WWP2: variants seen among roughly 807,000 people sequenced by gnomAD.
The protein encoded by WWP2 is WW domain containing E3 ubiquitin protein ligase 2.
WWP2 carries 57 observed loss-of-function variants against 121.0 expected under a neutral mutation model. That is an observed-to-expected ratio of 0.47 (90% CI 0.38 to 0.59). The LOEUF is 0.59. Ranked by LOEUF, WWP2 falls within the 20% of genes least tolerant of loss-of-function variation. The probability of loss-of-function intolerance (pLI) is 0.00; values close to 1 mark genes in which losing one functional copy is unlikely to be tolerated. For missense variants in WWP2, 962 were observed against 1,158.9 expected (o/e 0.83, Z 2.47); for synonymous variants, 449 against 441.3 (o/e 1.02, Z -0.22).
At chr16:69,931,695 G>T in intron 15 of WWP2, 107 bp from the exon 16 acceptor site, 1 of 1,566,118 alleles carries the variant, frequency 6.4e-7, no homozygotes, top group East Asian at 2.2e-5. Context: ...CGTGAGTCTT[G>T]GTGACTGTGT....
intron 23 of WWP2, 151 bp from the exon 24 acceptor site, chr16:69,939,690 C>T: frequency 1.3e-6 from 1 of 745,546 alleles, no homozygotes; most frequent in Non-Finnish European, 2.1e-6. Context: ...CCCCATGGTC[C>T]AGGCACCTGC....
chr16:69,878,947 A>G (rs2057779588), intron 7 of WWP2, among the ~76,000 whole-genome samples: 1 of 152,206 alleles, frequency 6.6e-6, no homozygotes, highest in Admixed American at 6.5e-5. Flanking sequence ...AAATATTCAT[A>G]AAGTGGTATA....
At chr16:69,919,457 A>G (rs932920712) in intron 10 of WWP2, among the ~76,000 whole-genome samples, 6 of 152,156 alleles carry the variant, frequency 3.9e-5, no homozygotes, top group African/African-American at 1.4e-4. Context: ...GTGAACCACC[A>G]TGCCTGGCCC....
At chr16:69,915,849 C>T (rs1369359876) in intron 9 of WWP2, among the ~76,000 whole-genome samples, 5 of 151,986 alleles carry the variant, frequency 3.3e-5, no homozygotes, top group Admixed American at 2.0e-4. Context: ...GCCTGAGCCA[C>T]ACGGGGAGGC....
intron 7 of WWP2, among the ~76,000 whole-genome samples, chr16:69,872,546 C>G (rs2057660650): frequency 6.6e-6 from 1 of 152,172 alleles, no homozygotes; most frequent in Non-Finnish European, 1.5e-5. Flanking sequence ...CATTGGATTT[C>G]ATGTTGGGGA....
intron 7 of WWP2, among the ~76,000 whole-genome samples, chr16:69,885,106 C>T (rs1486426660): frequency 7.8e-6 from 1 of 128,878 alleles, no homozygotes; most frequent in Non-Finnish European, 1.7e-5. Context: ...TCCTCCTACA[C>T]ACACACACAC....
intron 1 of WWP2, chr16:69,775,246 A>G (rs766654419): frequency 6.6e-6 from 1 of 152,166 alleles, no homozygotes; most frequent in Non-Finnish European, 1.5e-5. Context: ...TAAGGAGGGC[A>G]TCTCTCAAAG....
chr16:69,935,054 G>T lies in WWP2; in HGVS notation c.1843-799G>T, dbSNP rs1313311078. Among the ~76,000 whole-genome samples, 1 of 152,186 alleles carries T rather than the reference G, an allele frequency of 6.6e-6. No individual in the cohort carries two copies. Among genetic ancestry groups the T allele is most frequent in the African/African-American group, 2.4e-5 (1 of 41,438 alleles). On this transcript the variant is annotated intron_variant, in intron 17 of 23. Coordinates refer to ENST00000359154, the MANE Select transcript of WWP2 (RefSeq NM_001270454.2). The surrounding 1 kb of genome is among the most constrained non-coding windows in gnomAD (Gnocchi z 5.2). ...ATGTGAATATGGAAAGGGAGGTCCTGCCACGTGCCCCGTTGAGGGTCCTGG... is the reference window on the plus strand; with the variant it reads ...ATGTGAATATGGAAAGGGAGGTCCTTCCACGTGCCCCGTTGAGGGTCCTGG...
chr16:69,871,616 C>G, intron 6 of WWP2, 188 bp from the exon 7 acceptor site: 1 of 733,482 alleles, frequency 1.4e-6, no homozygotes, highest in South Asian at 2.4e-5. Flanking sequence ...GAGCTTTTAC[C>G]AAAAAGGAAA....
intron 22 of WWP2, 71 bp from the exon 23 acceptor site, chr16:69,939,270 T>C: frequency 6.3e-7 from 1 of 1,596,994 alleles, no homozygotes; most frequent in Non-Finnish European, 8.6e-7. Flanking sequence ...CATCTGTGGG[T>C]GGAGCCGGAG....
Position 69,863,002 on chromosome 16 carries a change from C to T in WWP2, c.576-8802C>T, listed in dbSNP as rs369343925. ...TTGGCCTCCTAAAGTGCTGGGATTACAGGTGTGAGCCGCCACCCCCGGCCT... is the reference window on the plus strand; with the variant it reads ...TTGGCCTCCTAAAGTGCTGGGATTATAGGTGTGAGCCGCCACCCCCGGCCT... On this transcript the variant is annotated intron_variant, in intron 6 of 23. Coordinates refer to ENST00000359154, the MANE Select transcript of WWP2 (RefSeq NM_001270454.2). Among the ~76,000 whole-genome samples the T allele has an allele frequency of 3.3e-5, 5 of 152,090 alleles. No individual in the cohort carries two copies. In the East Asian group the frequency reaches 5.8e-4, roughly 18 times the overall value.
chr16:69,839,721 C>G (rs1031623215), intron 4 of WWP2, among the ~76,000 whole-genome samples: 1 of 152,216 alleles, frequency 6.6e-6, no homozygotes, highest in Non-Finnish European at 1.5e-5. Flanking sequence ...GATGGAGATG[C>G]CTCCTGTTGA....
intron 11 of WWP2, among the ~76,000 whole-genome samples, chr16:69,927,976 TTTTA>T (rs887587703): frequency 6.6e-6 from 1 of 152,204 alleles, no homozygotes; most frequent in African/African-American, 2.4e-5. Context: ...TTTATTTTTA[TTTTA>T]TTTATTTGTT....
chr16:69,895,802 T>C (rs1214806992), intron 8 of WWP2, among the ~76,000 whole-genome samples: 1 of 152,238 alleles, frequency 6.6e-6, no homozygotes, highest in East Asian at 1.9e-4. Context: ...GAAACTTCAG[T>C]ACTTTTCTGG....
rs2056099113 is a variant in WWP2 at position 69,798,707 on chromosome 16, T to C, written c.96T>C (p.His32=). Residue 32 remains histidine, a synonymous_variant, in exon 3 of 24, where the codon CAT becomes CAC. Coordinates refer to ENST00000359154, the MANE Select transcript of WWP2 (RefSeq NM_001270454.2). ...TGGTGTCCGCAAAGCCCAAGGTGCATAATCGTCAACCTCGAATTAACTCCT... is the reference window on the plus strand; with the variant it reads ...TGGTGTCCGCAAAGCCCAAGGTGCACAATCGTCAACCTCGAATTAACTCCT... ...LKVVSAKPKV[H]NRQPRINSYV... is the part of the protein sequence containing the mutation. The C allele has an allele frequency of 6.2e-7, 1 of 1,614,076 alleles. No homozygotes were observed. Among genetic ancestry groups the C allele is most frequent in the Admixed American group, 1.7e-5 (1 of 60,010 alleles).
At chr16:69,874,383 A>ATGG (rs1285461114) in intron 7 of WWP2, among the ~76,000 whole-genome samples, 1 of 152,162 alleles carries the variant, frequency 6.6e-6, no homozygotes, top group African/African-American at 2.4e-5. Context: ...CAGTTCCAAG[A>ATGG]TGGTGGTGGT....
intron 6 of WWP2, 41 bp from the exon 7 acceptor site, chr16:69,871,763 C>A: frequency 6.2e-7 from 1 of 1,609,944 alleles, no homozygotes; most frequent in East Asian, 2.2e-5. Context: ...GTCCTTTTCA[C>A]AGTGACTTAT....
chr16:69,924,203 C>A (rs925797041), intron 10 of WWP2, among the ~76,000 whole-genome samples: 1 of 152,180 alleles, frequency 6.6e-6, no homozygotes, highest in Non-Finnish European at 1.5e-5. Flanking sequence ...AAGAAAGTTT[C>A]TCTGTCCTTT....
intron 8 of WWP2, among the ~76,000 whole-genome samples, chr16:69,890,502 CTTTG>C (rs1444632965): frequency 2.0e-5 from 3 of 152,046 alleles, no homozygotes; most frequent in Non-Finnish European, 4.4e-5. Context: ...CTCGAAAGAC[CTTTG>C]TTTGGTTTGT....
Sources: gnomAD v4.1 joint callset for allele counts (sites outside exome capture counted in the v4.1 genomes callset) on GRCh38, gnomAD v4.1.1 for gene constraint, Gnocchi (gnomAD v3.1) non-coding constraint, MANE v1.5 for transcripts, NCBI Gene and HGNC (gene_info 2026-07-23, HGNC 2026-07-21) for gene names.